Variants in NBAS observed in about 807,000 individuals in gnomAD.
NBAS encodes the protein NBAS subunit of NRZ tethering complex.
A neutral mutation model predicts 302.5 loss-of-function variants in NBAS; 219 were observed. The observed-to-expected ratio is 0.72, with a 90% CI of 0.65 to 0.81. NBAS has a LOEUF of 0.81. Among genes scored for constraint, NBAS ranks in the 30% least tolerant of loss-of-function variants. The pLI is 0.00. For synonymous variants in NBAS, 1,118 were observed against 1,021.6 expected (o/e 1.09, Z -1.80); for missense variants, 2,932 against 2,841.6 (o/e 1.03, Z -0.72).
chr2:15,533,277 C>T (rs1663310019), intron 9 of NBAS, among the ~76,000 whole-genome samples: 1 of 152,070 alleles, frequency 6.6e-6, no homozygotes, highest in Non-Finnish European at 1.5e-5. Flanking sequence ...GTTACATATC[C>T]TATAGAAACT....
the NBAS span, among the ~76,000 whole-genome samples, chr2:14,988,393 C>T: frequency 1.3e-5 from 2 of 152,158 alleles, no homozygotes; most frequent in African/African-American, 4.8e-5. Flanking sequence ...AGTGCCAGGA[C>T]AACGTATTAT....
rs1162478205 is a variant in NBAS, at chr2:15,320,742, T to G, written c.4582+7008A>C. 5.6e-5 allele frequency among the ~76,000 whole-genome samples: 8 copies of G among 143,090 alleles called. No homozygotes were observed. In the East Asian group the frequency reaches 1.7e-3, roughly 30 times the overall value. The allele number at this position is 143,090 out of a possible 152,430, so 93.9% of individuals were successfully genotyped here. ...AACTACAAACCACTGCTCAACAAAA[T>G]AAAAGAGGATACAAATGGAAGAATA... On this transcript the variant is annotated intron_variant, in intron 38 of 51. Coordinates refer to ENST00000281513, the MANE Select transcript of NBAS (RefSeq NM_015909.4).
chr2:15,319,163 A>C (rs1671665238), intron 38 of NBAS, among the ~76,000 whole-genome samples: 1 of 152,216 alleles, frequency 6.6e-6, no homozygotes, highest in Non-Finnish European at 1.5e-5. Context: ...GTACATAACG[A>C]AATGAAGGCA....
At chr2:15,089,565 G>A in the NBAS span, among the ~76,000 whole-genome samples, 86 of 152,254 alleles carry the variant, frequency 5.6e-4, no homozygotes, top group African/African-American at 2.0e-3. Flanking sequence ...CAAAACAGGG[G>A]TGGAGGCGGG....
At chr2:14,986,120 G>A in the NBAS span, among the ~76,000 whole-genome samples, 3 of 152,074 alleles carry the variant, frequency 2.0e-5, no homozygotes, top group Non-Finnish European at 4.4e-5. Context: ...TATTTTGAGT[G>A]TGTGTTTTAG....
At chr2:14,831,551 C>G in the NBAS span, among the ~76,000 whole-genome samples, 1 of 152,136 alleles carries the variant, frequency 6.6e-6, no homozygotes, top group Non-Finnish European at 1.5e-5. Context: ...TTCTTTGCCT[C>G]AGATGCTTAC....
At chr2:14,880,001 A>G in the NBAS span, among the ~76,000 whole-genome samples, 108 of 152,324 alleles carry the variant, frequency 7.1e-4, no homozygotes, top group African/African-American at 2.5e-3. Context: ...CAGTCTTGGA[A>G]AAACACCAGT....
At chr2:15,121,845 C>T in the NBAS span, among the ~76,000 whole-genome samples, 147,748 of 152,312 alleles carry the variant, frequency 0.97, 71,697 homozygotes, top group East Asian at 1. Context: ...ATTCACAAAT[C>T]GGGGTTTTGA....
In NBAS at chr2:15,417,553, C is replaced by CA. The variant is rs1487900094; in HGVS notation, c.2736dup (p.Glu913Ter). The CA allele has an allele frequency of 6.2e-7, 1 of 1,613,614 alleles. No homozygotes were observed. On this transcript the variant is annotated frameshift_variant, in exon 24 of 52. Transcript: ENST00000281513. LOFTEE classifies it high-confidence loss of function. ...CTATTCATCAGTAATCTTAGTTTTT[C>CA]AATGTCTTTCATCTGCTGGAGTTCT...
At chr2:14,805,831 C>T in the NBAS span, among the ~76,000 whole-genome samples, 3 of 152,184 alleles carry the variant, frequency 2.0e-5, no homozygotes, top group African/African-American at 4.8e-5. Context: ...ATTGATCCTT[C>T]AGTGCACCTC....
intron 6 of NBAS, among the ~76,000 whole-genome samples, chr2:15,541,171 C>T (rs1663799482): frequency 6.6e-6 from 1 of 152,152 alleles, no homozygotes; most frequent in South Asian, 2.1e-4. Context: ...CTGTACATAC[C>T]TCTTTCATAG....
At chr2:14,788,970 T>C in the NBAS span, among the ~76,000 whole-genome samples, 1 of 152,246 alleles carries the variant, frequency 6.6e-6, no homozygotes, top group Non-Finnish European at 1.5e-5. Flanking sequence ...GTCCTTGAGC[T>C]GTGGTGGGCT....
the NBAS span, among the ~76,000 whole-genome samples, chr2:15,009,948 G>A: frequency 6.6e-6 from 1 of 152,080 alleles, no homozygotes; most frequent in Non-Finnish European, 1.5e-5. Context: ...CTGGAGAGAG[G>A]GAGATTTTAT....
intron 25 of NBAS, among the ~76,000 whole-genome samples, chr2:15,412,014 G>T (rs879830782): frequency 6.6e-6 from 1 of 151,996 alleles, no homozygotes; most frequent in Admixed American, 6.6e-5. Context: ...AATCAGAAAG[G>T]AGTGCTTTAA....
At chr2:14,923,047 G>A in the NBAS span, among the ~76,000 whole-genome samples, 2 of 152,162 alleles carry the variant, frequency 1.3e-5, no homozygotes, top group African/African-American at 2.4e-5. Flanking sequence ...AGCTACTCTG[G>A]AGGCTGAGGC....
chr2:14,882,471 C>G, the NBAS span, among the ~76,000 whole-genome samples: 1 of 152,134 alleles, frequency 6.6e-6, no homozygotes, highest in Non-Finnish European at 1.5e-5. Context: ...GCCATGCATG[C>G]CTCCTTTTCT....
chr2:15,219,681 T>A (rs1463979737), intron 47 of NBAS, among the ~76,000 whole-genome samples: 16 of 138,466 alleles, frequency 1.2e-4, no homozygotes, highest in Non-Finnish European at 2.3e-4. Context: ...CAGAAGAATT[T>A]TTCTTAGTAC....
chr2:15,282,223 T>A (rs1669856593), intron 42 of NBAS, among the ~76,000 whole-genome samples: 1 of 152,110 alleles, frequency 6.6e-6, no homozygotes, highest in African/African-American at 2.4e-5. Flanking sequence ...GGTTAGATGC[T>A]CCCTCTCTCT....
At chr2:14,990,550 T>G in the NBAS span, among the ~76,000 whole-genome samples, 29 of 152,364 alleles carry the variant, frequency 1.9e-4, no homozygotes, top group East Asian at 5.4e-3. Context: ...AGTATTATGC[T>G]TTTAACTTTC....
Sources: gnomAD v4.1 joint callset for allele counts (sites outside exome capture counted in the v4.1 genomes callset) on GRCh38, gnomAD v4.1.1 for gene constraint, MANE v1.5 for transcripts, NCBI Gene and HGNC (gene_info 2026-07-23, HGNC 2026-07-21) for gene names.